Variants in SYNPR observed in about 807,000 individuals in gnomAD.
SYNPR encodes the protein synaptoporin.
In SYNPR, 23 loss-of-function variants were observed where a neutral mutation model predicts 32.9. That is an observed-to-expected ratio of 0.70 (90% CI 0.50 to 0.99). SYNPR has a LOEUF of 0.99. Among genes scored for constraint, SYNPR ranks in the 50% least tolerant of loss-of-function variants. The probability of loss-of-function intolerance (pLI) is 0.00; values close to 1 mark genes in which losing one functional copy is unlikely to be tolerated. For missense variants in SYNPR, 318 were observed against 349.3 expected (o/e 0.91, Z 0.71); for synonymous variants, 146 against 135.9 (o/e 1.07, Z -0.52).
chr3:63,305,524 C>T (rs751039480), intron 2 of SYNPR, among the ~76,000 whole-genome samples: 6 of 151,888 alleles, frequency 4.0e-5, no homozygotes, highest in Non-Finnish European at 7.4e-5. Flanking sequence ...AGACTCTTTC[C>T]CTTACAAAAA....
intron 2 of SYNPR, among the ~76,000 whole-genome samples, chr3:63,345,929 C>G (rs901723664): frequency 6.6e-6 from 1 of 152,106 alleles, no homozygotes. Context: ...ATTCCCCTGC[C>G]TCAGCTTCTC....
chr3:63,459,037 G>A (rs905884270), intron 2 of SYNPR, among the ~76,000 whole-genome samples: 1 of 151,640 alleles, frequency 6.6e-6, no homozygotes, highest in African/African-American at 2.4e-5. Flanking sequence ...TGATCTCTTT[G>A]TCTCCCATTG....
At chr3:63,480,150 T>C (rs774094031) in intron 2 of SYNPR, among the ~76,000 whole-genome samples, 44 of 152,038 alleles carry the variant, frequency 2.9e-4, no homozygotes, top group Non-Finnish European at 5.1e-4. Context: ...TATTGGTGCC[T>C]GGTTCCCCAC....
upstream of SYNPR, among the ~76,000 whole-genome samples, chr3:63,277,848 T>G (rs1413250273): frequency 6.6e-6 from 1 of 152,150 alleles, no homozygotes; most frequent in African/African-American, 2.4e-5. Context: ...CTTATCCTGT[T>G]TTTTTGATGT....
intron 4 of SYNPR, among the ~76,000 whole-genome samples, chr3:63,596,473 C>A (rs13089445): frequency 0.022 from 3,289 of 152,042 alleles, 48 homozygotes; most frequent in Non-Finnish European, 0.034. Flanking sequence ...ACAGAGTGGT[C>A]AAGCCAGCCT....
chr3:63,565,488 C>T (rs76903179), intron 4 of SYNPR, among the ~76,000 whole-genome samples: 5,767 of 152,204 alleles, frequency 0.038, 358 homozygotes, highest in African/African-American at 0.13. Flanking sequence ...AGAAGAGAAA[C>T]GGAGCAGAAC....
chr3:63,454,092 G>A (rs1700433758), intron 2 of SYNPR, among the ~76,000 whole-genome samples: 2 of 152,208 alleles, frequency 1.3e-5, no homozygotes, highest in East Asian at 1.9e-4. Context: ...AGTACCAGGA[G>A]CTTGCCCAAA....
At chr3:63,541,740 C>A (rs556312372) in intron 3 of SYNPR, among the ~76,000 whole-genome samples, 1 of 152,204 alleles carries the variant, frequency 6.6e-6, no homozygotes, top group Admixed American at 6.6e-5. Context: ...TGTGAAATTT[C>A]TTTCACAAGG....
chr3:63,209,023 T>C, the SYNPR span, among the ~76,000 whole-genome samples: 6 of 152,282 alleles, frequency 3.9e-5, no homozygotes, highest in South Asian at 1.2e-3. Context: ...GTTTACCTTA[T>C]TCCTTGATGA....
chr3:63,243,264 AATC>A (rs1033869740), intron 1 of SYNPR, among the ~76,000 whole-genome samples: 1 of 151,842 alleles, frequency 6.6e-6, no homozygotes, highest in Admixed American at 6.6e-5. Flanking sequence ...CATATAGAAG[AATC>A]ATCATAGTTA....
intron 2 of SYNPR, among the ~76,000 whole-genome samples, chr3:63,409,902 C>A (rs1026880305): frequency 2.0e-5 from 3 of 152,168 alleles, no homozygotes; most frequent in Non-Finnish European, 4.4e-5. Context: ...CGTGGAAGCT[C>A]TGAGCCAATG....
chr3:63,363,672 G>A (rs971988677), intron 2 of SYNPR, among the ~76,000 whole-genome samples: 1 of 152,090 alleles, frequency 6.6e-6, no homozygotes, highest in African/African-American at 2.4e-5. Context: ...TAATTACTTG[G>A]ATTAAATGAG....
At chr3:63,203,757 G>A in the SYNPR span, among the ~76,000 whole-genome samples, 119,705 of 151,972 alleles carry the variant, frequency 0.79, 47,753 homozygotes, top group Middle Eastern at 0.86. Flanking sequence ...AGCACTTTAG[G>A]AGGCCAAGGT....
At chr3:63,279,882 C>T (rs2086612328) in intron 2 of SYNPR, among the ~76,000 whole-genome samples, 1 of 152,200 alleles carries the variant, frequency 6.6e-6, no homozygotes, top group Admixed American at 6.5e-5. Flanking sequence ...TACACCAGGA[C>T]AGCTTTTGGA....
chr3:63,496,056 G>T (rs1351577162), intron 3 of SYNPR, among the ~76,000 whole-genome samples: 1 of 152,054 alleles, frequency 6.6e-6, no homozygotes, highest in African/African-American at 2.4e-5. Context: ...GAGGAGAGGG[G>T]TTATATGGGA....
At chr3:63,201,795 G>T in the SYNPR span, among the ~76,000 whole-genome samples, 1 of 152,020 alleles carries the variant, frequency 6.6e-6, no homozygotes, top group African/African-American at 2.4e-5. Context: ...ATTATTTTTT[G>T]ATAATTTCAA....
intron 2 of SYNPR, 27 bp downstream of exon 2, chr3:63,278,769 G>C (rs1180892202): frequency 6.4e-7 from 1 of 1,550,696 alleles, no homozygotes; most frequent in Admixed American, 2.0e-5. Flanking sequence ...GTGCAGGGAG[G>C]GGCGCCAGGC....
intron 3 of SYNPR, among the ~76,000 whole-genome samples, chr3:63,518,312 C>T (rs991542348): frequency 9.2e-5 from 14 of 152,062 alleles, no homozygotes; most frequent in African/African-American, 2.4e-4. Flanking sequence ...ATGTTACCCA[C>T]GCCAAGCCTT....
chr3:63,372,527 C>A (rs1367196905), intron 2 of SYNPR, among the ~76,000 whole-genome samples: 1 of 152,090 alleles, frequency 6.6e-6, no homozygotes, highest in Non-Finnish European at 1.5e-5. Flanking sequence ...CAGTCTGTTT[C>A]CCCCATCCCC....
Sources: allele counts gnomAD v4.1 joint callset (sites outside exome capture counted in the v4.1 genomes callset), GRCh38; gene constraint gnomAD v4.1.1; transcripts MANE v1.5; gene names NCBI Gene and HGNC (gene_info 2026-07-23, HGNC 2026-07-21).